COL7A1: variants seen among roughly 807,000 people sequenced by gnomAD.
COL7A1 encodes collagen alpha-1(VII) chain.
Under a neutral mutation model 456.2 loss-of-function variants are expected in COL7A1, and 296 were observed. The observed-to-expected ratio is 0.65, with a 90% CI of 0.59 to 0.71. COL7A1 has a LOEUF of 0.71. Ranked by LOEUF, COL7A1 falls within the 30% of genes least tolerant of loss-of-function variation. COL7A1 has a pLI of 0.00. For missense variants in COL7A1, 3,441 were observed against 4,017.2 expected, an observed-to-expected ratio of 0.86 and a Z score of 3.88; for synonymous variants, 1,464 against 1,525.9, an observed-to-expected ratio of 0.96 and a Z score of 0.95.
In COL7A1 at chr3:48,564,522, G is replaced by C. The variant is rs941869561; in HGVS notation, c.8819-100C>G. 9 of 1,435,080 alleles carry C rather than the reference G, an allele frequency of 6.3e-6. No homozygotes were observed. In the Admixed American group the frequency reaches 1.1e-4, roughly 17 times the overall value. The allele number at this position is 1,435,080 out of a possible 1,614,324, so 88.9% of individuals were successfully genotyped here. ...AGGGGAGGGAGCGGAGGCTACAACA[G>C]GAAGTGGGGGCTCTGACCTCAGAGG... is the stretch of plus-strand genomic sequence containing the variant. On this transcript the variant is annotated intron_variant, in intron 118 of 118. Transcript: ENST00000681320. The surrounding 1 kb of genome is among the most constrained non-coding windows in gnomAD (Gnocchi z 6.0).
Position 48,594,984 on chromosome 3 carries a change from G to T in COL7A1, c.85+91C>A. On this transcript the variant is annotated intron_variant, in intron 2 of 118. Coordinates refer to ENST00000681320, the MANE Select transcript of COL7A1 (RefSeq NM_000094.4). This position sits in a 1 kb window ranked among gnomAD's most constrained non-coding sequence, Gnocchi z 5.5. ...GGGGCGTCGTGGAGTTGGCTGGGTTGTGGGCGGGGGGTGTTGGGGATGAAG... is the reference window on the plus strand; with the variant it reads ...GGGGCGTCGTGGAGTTGGCTGGGTTTTGGGCGGGGGGTGTTGGGGATGAAG... 1 of 1,070,014 alleles carries T rather than the reference G, an allele frequency of 9.3e-7. No individual in the cohort carries two copies. Among genetic ancestry groups the T allele is most frequent in the Non-Finnish European group, 1.4e-6 (1 of 727,882 alleles). The allele number at this position is 1,070,014 out of a possible 1,614,324, so 66.3% of individuals were successfully genotyped here.
In COL7A1 at chr3:48,585,082, G is replaced by A. The variant is rs2045143069; in HGVS notation, c.3929C>T (p.Pro1310Leu). 3 of 1,612,198 alleles carry A rather than the reference G, an allele frequency of 1.9e-6. No homozygotes were observed. The highest frequency in any genetic ancestry group is 3.5e-4 in the Middle Eastern group (2 of 5,712). Residue 1310 changes from proline to leucine, a missense_variant, in exon 33 of 119, where the codon CCT (proline) becomes CTT (leucine). Physicochemically the swap from Pro to Leu is moderately conservative, Grantham distance 98 (BLOSUM62 -3). Transcript: ENST00000681320. The surrounding 1 kb of genome is among the most constrained non-coding windows in gnomAD (Gnocchi z 4.5). Reference protein sequence around the residue: ...FPGADGRPGSPGRAGNPGTPG... With the variant: ...FPGADGRPGSLGRAGNPGTPG... ...GGTCCCAGGATTCCCGGCGCGGCCA[G>A]GGCTGCCTGGACGCCCATCTGCTCC...
chr3:48,591,637 T>TC lies in COL7A1; in HGVS notation c.1507+35dup. 1.9e-6 allele frequency: 3 copies of TC among 1,613,384 alleles called. No homozygotes were observed. The highest frequency in any genetic ancestry group is 2.5e-6 in the Non-Finnish European group (3 of 1,179,930). On this transcript the variant is annotated intron_variant, in intron 12 of 118. Coordinates refer to ENST00000681320, the MANE Select transcript of COL7A1 (RefSeq NM_000094.4). The surrounding 1 kb of genome is among the most constrained non-coding windows in gnomAD (Gnocchi z 7.0). ...AGAGGCAGCCTGGGGCTCCGACACC[T>TC]CCCCCACTCACTGGCCCAGCCCACA... is the stretch of plus-strand genomic sequence containing the variant.
At chr3:48,595,015 G>C (rs1476716173) in intron 2 of COL7A1, 60 bp downstream of exon 2, 137 of 1,374,564 alleles carry the variant, frequency 1.0e-4, no homozygotes, top group Non-Finnish European at 1.3e-4. Flanking sequence ...TGAAGGCCGA[G>C]TGGAGCGGAG....
Position 48,591,354 on chromosome 3 carries a change from A to T in COL7A1, c.1636+110T>A, listed in dbSNP as rs1392812269. Reference sequence around the variant, plus strand: ...GAAGCAGATGGATAACGAGACAGGGAGGAGACTATAGGGACCCAGGTGTGG... The same window carrying T: ...GAAGCAGATGGATAACGAGACAGGGTGGAGACTATAGGGACCCAGGTGTGG... On this transcript the variant is annotated intron_variant, in intron 13 of 118. Transcript: ENST00000681320. The surrounding 1 kb of genome is among the most constrained non-coding windows in gnomAD (Gnocchi z 7.0). 7.0e-7 allele frequency: 1 copy of T among 1,424,160 alleles called. No homozygotes were observed. The highest frequency in any genetic ancestry group is 9.7e-7 in the Non-Finnish European group (1 of 1,034,856). 88.2% of individuals were successfully genotyped at this position (1,424,160 alleles called of 1,614,324 possible).
rs368529673 is a variant in COL7A1 at position 48,568,100 on chromosome 3, C to G, written c.7865G>C (p.Arg2622Pro). The G allele has an allele frequency of 6.2e-7, 1 of 1,614,192 alleles. No individual in the cohort carries two copies. Among genetic ancestry groups the G allele is most frequent in the Non-Finnish European group, 8.5e-7 (1 of 1,180,028 alleles). The change falls in exon 106 of 119, where the codon CGG (arginine) becomes CCG (proline). Residue 2622 changes from arginine to proline, a missense_variant. Around this residue, in one of 3 missense-constraint regions of COL7A1, gnomAD observed 2,084 missense variants for 2,501.3 expected, o/e 0.83. Coordinates refer to ENST00000681320, the MANE Select transcript of COL7A1 (RefSeq NM_000094.4). The surrounding 1 kb of genome is among the most constrained non-coding windows in gnomAD (Gnocchi z 5.2). ...EKGDVGFMGPRGLKGERGVKG... is the reference protein window; with the variant it reads ...EKGDVGFMGPPGLKGERGVKG... The stretch of plus-strand genomic sequence containing the variant: ...TTGTTTCTTTCCTACCTTGAGGCCC[C>G]GGGGACCCATGAAGCCAACATCTCC...
In COL7A1 at chr3:48,588,853, G is replaced by T; in HGVS notation, c.2440+17C>A. 1 of 1,613,408 alleles carries T rather than the reference G, an allele frequency of 6.2e-7. No homozygotes were observed. The stretch of plus-strand genomic sequence containing the variant: ...GTCCCAGCCAGGAAGGACAGGGGTG[G>T]CGTCAGGGAGCCATACCTTCACTCC... On this transcript the variant is annotated intron_variant, in intron 19 of 118. Transcript: ENST00000681320. This position sits in a 1 kb window ranked among gnomAD's most constrained non-coding sequence, Gnocchi z 4.6.
Position 48,592,881 on chromosome 3 carries a change from G to T in COL7A1, c.740C>A (p.Ser247Tyr), listed in dbSNP as rs770500830. 1 of 1,614,070 alleles carries T rather than the reference G, an allele frequency of 6.2e-7. No individual in the cohort carries two copies. Among genetic ancestry groups the T allele is most frequent in the Non-Finnish European group, 8.5e-7 (1 of 1,180,038 alleles). Reference protein sequence around the residue: ...DLVLSEPSSQSLRVQWTAASG... With the variant: ...DLVLSEPSSQYLRVQWTAASG... ...GGCCGCTGTCCACTGTACTCTCAAG[G>T]ATTGGCTGCTTGGCTCAGACAGCAC... The change falls in exon 7 of 119, where the codon TCC (serine) becomes TAC (tyrosine). Residue 247 changes from serine (S) to tyrosine (Y), a missense_variant. Physicochemically the swap from Ser to Tyr is moderately radical, Grantham distance 144. This residue lies in a region of COL7A1 where 913 missense variants were observed against 1,088.2 expected (regional missense o/e 0.84). Transcript: ENST00000681320. The surrounding 1 kb of genome is among the most constrained non-coding windows in gnomAD (Gnocchi z 7.6).
At position 48,578,939 on chromosome 3, in the gene COL7A1, C is replaced by T. The variant is rs543417372; in HGVS notation, c.5404G>A (p.Ala1802Thr). Residue 1802 changes from alanine (A) to threonine (T), a missense_variant, in exon 63 of 119, where the codon GCT (alanine) becomes ACT (threonine). By Grantham distance (58) the Ala-to-Thr change is moderately conservative. Transcript: ENST00000681320. This position sits in a 1 kb window ranked among gnomAD's most constrained non-coding sequence, Gnocchi z 4.7. ...PSGPNGAAGKAGDPGRDGLPG... is the reference protein window; with the variant it reads ...PSGPNGAAGKTGDPGRDGLPG... Reference sequence around the variant, plus strand: ...CTTACGTCTCTCCCTGGGTCCCCAGCTTTGCCTGCAGCACCCTGAGGAGAG... The same window carrying T: ...CTTACGTCTCTCCCTGGGTCCCCAGTTTTGCCTGCAGCACCCTGAGGAGAG... The T allele has an allele frequency of 6.2e-7, 1 of 1,614,006 alleles. No individual in the cohort carries two copies. Among genetic ancestry groups the T allele is most frequent in the African/African-American group, 1.3e-5 (1 of 75,040 alleles).
In COL7A1 at chr3:48,580,985, G is replaced by A; in HGVS notation, c.4936-59C>T. The A allele has an allele frequency of 1.9e-6, 3 of 1,609,562 alleles. No homozygotes were observed. ...GCAGTCAGGATCTAACTCACTCAGG[G>A]AGAGGGGACAGAGAAGGGTCTGAGC... On this transcript the variant is annotated intron_variant, in intron 53 of 118. Coordinates refer to ENST00000681320, the MANE Select transcript of COL7A1 (RefSeq NM_000094.4). This position sits in a 1 kb window ranked among gnomAD's most constrained non-coding sequence, Gnocchi z 4.5.
Position 48,590,394 on chromosome 3 carries a change from G to T in COL7A1, c.1907-38C>A. 1 of 1,614,068 alleles carries T rather than the reference G, an allele frequency of 6.2e-7. No homozygotes were observed. Among genetic ancestry groups the T allele is most frequent in the Non-Finnish European group, 8.5e-7 (1 of 1,180,002 alleles). ...GGAAATGCTGGCATGGCTCCTGCCTGTCCCCTCTGGCACCCATACCCTCAT... is the reference window on the plus strand; with the variant it reads ...GGAAATGCTGGCATGGCTCCTGCCTTTCCCCTCTGGCACCCATACCCTCAT... On this transcript the variant is annotated intron_variant, in intron 15 of 118. Coordinates refer to ENST00000681320, the MANE Select transcript of COL7A1 (RefSeq NM_000094.4). The surrounding 1 kb of genome is among the most constrained non-coding windows in gnomAD (Gnocchi z 4.6).
At position 48,579,646 on chromosome 3, in the gene COL7A1, T is replaced by A; in HGVS notation, c.5177A>T (p.Gln1726Leu). Residue 1726 changes from glutamine to leucine, a missense_variant, in exon 59 of 119, where the codon CAA (glutamine) becomes CTA (leucine). Physicochemically the swap from Gln to Leu is moderately radical, Grantham distance 113. Coordinates refer to ENST00000681320, the MANE Select transcript of COL7A1 (RefSeq NM_000094.4). The surrounding 1 kb of genome is among the most constrained non-coding windows in gnomAD (Gnocchi z 4.4). ...REKGEPGDRGQEGPRGPKGDP... is the reference protein window; with the variant it reads ...REKGEPGDRGLEGPRGPKGDP... ...ACCCTTGGGCCCTCGAGGACCCTCT[T>A]GTCCGCGGTCCCCAGGCTCTCCCTG... 1 of 1,613,562 alleles carries A rather than the reference T, an allele frequency of 6.2e-7. No individual in the cohort carries two copies. Among genetic ancestry groups the A allele is most frequent in the Non-Finnish European group, 8.5e-7 (1 of 1,179,954 alleles).
rs948424013 is a variant in COL7A1, at chr3:48,587,560, G to A, written c.2858-6C>T. The A allele has an allele frequency of 2.5e-6, 4 of 1,613,386 alleles. No homozygotes were observed. In the African/African-American group the frequency reaches 5.3e-5, roughly 22 times the overall value. On this transcript the variant is annotated splice_region_variant and splice_polypyrimidine_tract_variant and intron_variant, in intron 22 of 118. Transcript: ENST00000681320. This position sits in a 1 kb window ranked among gnomAD's most constrained non-coding sequence, Gnocchi z 6.1. Reference sequence around the variant, plus strand: ...GCTTGGAACACGAGGTGACTCTGAAGGAGGAATGAAAGATCGAGGATCAGA... The same window carrying A: ...GCTTGGAACACGAGGTGACTCTGAAAGAGGAATGAAAGATCGAGGATCAGA...
chr3:48,583,238 C>T lies in COL7A1; in HGVS notation c.4438-67G>A. 6.2e-7 allele frequency: 1 copy of T among 1,606,886 alleles called. No homozygotes were observed. Among genetic ancestry groups the T allele is most frequent in the South Asian group, 1.1e-5 (1 of 90,538 alleles). On this transcript the variant is annotated intron_variant, in intron 42 of 118. Transcript: ENST00000681320. The surrounding 1 kb of genome is among the most constrained non-coding windows in gnomAD (Gnocchi z 5.1). ...TGGTGGCGGGGCTTGAACGTCAAAC[C>T]CCAGACAAGGGGTCCCAAACTCCAA...
At position 48,564,099 on chromosome 3, in the gene COL7A1, C is replaced by T; in HGVS notation, c.*307G>A. 6.1e-6 allele frequency: 3 copies of T among 492,216 alleles called. No homozygotes were observed. The highest frequency in any genetic ancestry group is 1.1e-5 in the Non-Finnish European group (3 of 267,010). The allele number at this position is 492,216 out of a possible 1,614,324, so 30.5% of individuals were successfully genotyped here. A position where few individuals can be genotyped will look rare whatever the true frequency, so the allele number is the denominator to read the frequency against. On this transcript the variant is annotated 3_prime_UTR_variant, in exon 119 of 119. Coordinates refer to ENST00000681320, the MANE Select transcript of COL7A1 (RefSeq NM_000094.4). The surrounding 1 kb of genome is among the most constrained non-coding windows in gnomAD (Gnocchi z 6.0). ...CCTTTTAAAACAGCAGCTTTAATGC[C>T]CCCCAGAATCAGCACCATGTCATCA...
At chr3:48,584,440 G>A (rs2045066460) in intron 36 of COL7A1, 45 bp downstream of exon 36, 3 of 1,613,196 alleles carry the variant, frequency 1.9e-6, no homozygotes, top group African/African-American at 1.3e-5. Context: ...CCTCGTGTTG[G>A]TCCCCCCACT....
Position 48,586,816 on chromosome 3 carries a change from G to T in COL7A1, c.3277-127C>A. On this transcript the variant is annotated intron_variant, in intron 25 of 118. Transcript: ENST00000681320. The surrounding 1 kb of genome is among the most constrained non-coding windows in gnomAD (Gnocchi z 5.1). ...ATCTATTAGGGAGTCAGCAGTGATG[G>T]CAGGATAGGGAGCCAGGCAGTAGGT... 3.3e-6 allele frequency: 5 copies of T among 1,500,772 alleles called. No individual in the cohort carries two copies. The highest frequency in any genetic ancestry group is 4.5e-6 in the Non-Finnish European group (5 of 1,106,106). The allele number at this position is 1,500,772 out of a possible 1,614,324, so 93.0% of individuals were successfully genotyped here.
chr3:48,564,476 G>C lies in COL7A1; in HGVS notation c.8819-54C>G, dbSNP rs376446712. On this transcript the variant is annotated intron_variant, in intron 118 of 118. Coordinates refer to ENST00000681320, the MANE Select transcript of COL7A1 (RefSeq NM_000094.4). The surrounding 1 kb of genome is among the most constrained non-coding windows in gnomAD (Gnocchi z 6.0). ...CAGCCATCTGACCTTCCCCGGAGAC[G>C]CTCAGGCAGAGGCACCGCCAAGGGG... The C allele has an allele frequency of 1.1e-5, 18 of 1,608,824 alleles. No individual in the cohort carries two copies. The highest frequency in any genetic ancestry group is 1.5e-5 in the Non-Finnish European group (18 of 1,176,510).
Position 48,576,246 on chromosome 3 carries a change from C to T in COL7A1, c.5820+3G>A. The T allele has an allele frequency of 1.9e-6, 3 of 1,613,698 alleles. No homozygotes were observed. Among genetic ancestry groups the T allele is most frequent in the South Asian group, 1.1e-5 (1 of 91,082 alleles). On this transcript the variant is annotated splice_donor_region_variant and intron_variant, in intron 71 of 118. Transcript: ENST00000681320. Reference sequence around the variant, plus strand: ...TCAAGGGGACATCCCAAGCCTGGCTCACCGGCACACTTCCAGGCTCTCCTC... The same window carrying T: ...TCAAGGGGACATCCCAAGCCTGGCTTACCGGCACACTTCCAGGCTCTCCTC...
Sources: allele counts gnomAD v4.1 joint callset, GRCh38; gene constraint gnomAD v4.1.1; regional missense constraint gnomAD v4.1.1; non-coding constraint Gnocchi (gnomAD v3.1); transcripts MANE v1.5; gene names NCBI Gene and HGNC (gene_info 2026-07-23, HGNC 2026-07-21).